Variants in NHSL1 observed in about 807,000 individuals in gnomAD.
The protein encoded by NHSL1 is NHS like 1, also known as NHS-like protein 1.
NHSL1 carries 48 observed loss-of-function variants against 95.0 expected under a neutral mutation model. The observed-to-expected ratio is 0.51, with a 90% CI of 0.40 to 0.64. The LOEUF is 0.64. Among genes scored for constraint, NHSL1 ranks in the 30% least tolerant of loss-of-function variants. The pLI is 0.00. For synonymous variants in NHSL1, 783 were observed against 833.9 expected (o/e 0.94, Z 1.05); for missense variants, 1,971 against 2,077.7 (o/e 0.95, Z 1.00).
chr6:138,467,034 C>CA (rs1778425555), intron 3 of NHSL1, among the ~76,000 whole-genome samples: 2 of 151,870 alleles, frequency 1.3e-5, no homozygotes, highest in African/African-American at 2.4e-5. Flanking sequence ...TCAAAACCAA[C>CA]AAAAAAACAA....
At chr6:138,689,946 C>A (rs1785639757) in intron 1 of NHSL1, among the ~76,000 whole-genome samples, 1 of 152,198 alleles carries the variant, frequency 6.6e-6, no homozygotes, top group Admixed American at 6.5e-5. Context: ...CTGTGCCTGG[C>A]TCCACACTCT....
chr6:138,424,263 C>A lies in NHSL1; in HGVS notation c.4639G>T (p.Ala1547Ser), dbSNP rs780210569. The change falls in exon 8 of 8, where the codon GCG becomes TCG. Residue 1547 changes from alanine (A) to serine (S), a missense_variant. Transcript: ENST00000343505. The surrounding 1 kb of genome is among the most constrained non-coding windows in gnomAD (Gnocchi z 5.9). ...AGTCCGTCCAGGGAACATCCCTCCG[C>A]AGCGCCCAGAGCCCCGCGGGCTATG... ...DSIARGALGAAEGCSLDGLAR... is the reference protein window; with the variant it reads ...DSIARGALGASEGCSLDGLAR... 79 of 1,501,216 alleles carry A rather than the reference C, an allele frequency of 5.3e-5. No individual in the cohort carries two copies. The highest frequency in any genetic ancestry group is 2.7e-4 in the Admixed American group (12 of 44,112). The allele number at this position is 1,501,216 out of a possible 1,614,324, so 93.0% of individuals were successfully genotyped here. A position where few individuals can be genotyped will look rare whatever the true frequency, so the allele number is the denominator to read the frequency against.
intron 1 of NHSL1, among the ~76,000 whole-genome samples, chr6:138,556,428 C>T (rs1783198542): frequency 6.6e-6 from 1 of 151,980 alleles, no homozygotes; most frequent in Admixed American, 6.6e-5. Context: ...AGAAAAATAA[C>T]TATTTTTCTT....
intron 1 of NHSL1, among the ~76,000 whole-genome samples, chr6:138,543,347 G>T (rs1431404317): frequency 2.0e-5 from 3 of 152,164 alleles, no homozygotes; most frequent in Admixed American, 2.0e-4. Context: ...AGCAAAGAGT[G>T]ATTGTAACTA....
At chr6:138,662,941 C>T (rs1785244671) in intron 1 of NHSL1, among the ~76,000 whole-genome samples, 1 of 150,366 alleles carries the variant, frequency 6.7e-6, no homozygotes, top group African/African-American at 2.4e-5. Flanking sequence ...AGCAAAAACC[C>T]CCTTTAAAAA....
At chr6:138,471,904 C>T (rs1380808891) in intron 3 of NHSL1, among the ~76,000 whole-genome samples, 3 of 152,086 alleles carry the variant, frequency 2.0e-5, no homozygotes, top group Non-Finnish European at 2.9e-5. Context: ...GTAGACCAGG[C>T]GCGGTGACTC....
At chr6:138,542,436 A>C (rs528001417) in intron 1 of NHSL1, among the ~76,000 whole-genome samples, 1 of 152,234 alleles carries the variant, frequency 6.6e-6, no homozygotes. Context: ...TGCCAGTAGG[A>C]CAATACTTCA....
At chr6:138,575,348 C>G (rs920568567), upstream of NHSL1, among the ~76,000 whole-genome samples, 2 of 152,150 alleles carry the variant, frequency 1.3e-5, no homozygotes, top group Non-Finnish European at 2.9e-5. Context: ...CTGTACACTT[C>G]AAGGAAAGGG....
chr6:138,559,427 G>C (rs1044910894), intron 1 of NHSL1, among the ~76,000 whole-genome samples: 44 of 152,200 alleles, frequency 2.9e-4, no homozygotes, highest in Non-Finnish European at 7.3e-5. Context: ...CACCAACGGG[G>C]TCCTGGACTA....
At chr6:138,572,897 C>T (rs575047711), upstream of NHSL1, among the ~76,000 whole-genome samples, 9 of 118,968 alleles carry the variant, frequency 7.6e-5, 1 homozygote, top group African/African-American at 2.9e-4. Context: ...ATACATCCAA[C>T]ATTCCTAGAT....
chr6:138,675,212 C>T (rs988739242), intron 1 of NHSL1, among the ~76,000 whole-genome samples: 38 of 152,152 alleles, frequency 2.5e-4, no homozygotes, highest in African/African-American at 8.7e-4. Flanking sequence ...TTGGTGCTCT[C>T]ATCTACAATG....
intron 1 of NHSL1, among the ~76,000 whole-genome samples, chr6:138,526,093 CAA>C (rs10681744): frequency 2.9e-4 from 32 of 109,770 alleles, no homozygotes; most frequent in Non-Finnish European, 3.1e-4. Flanking sequence ...ACTCTGTCTC[CAA>C]AAAAAAAAAA....
intron 4 of NHSL1, among the ~76,000 whole-genome samples, chr6:138,442,951 G>A (rs902295951): frequency 1.3e-5 from 2 of 151,806 alleles, no homozygotes; most frequent in East Asian, 1.9e-4. Flanking sequence ...TAAATTACCT[G>A]CCAGTTTAAA....
upstream of NHSL1, chr6:138,545,761 C>T (rs747227811): frequency 6.3e-5 from 76 of 1,210,892 alleles, no homozygotes; most frequent in African/African-American, 1.3e-4. Context: ...GGCCAGCCAG[C>T]GCCTGTTACT....
At chr6:138,525,343 T>C (rs374839587) in intron 1 of NHSL1, among the ~76,000 whole-genome samples, 3 of 151,622 alleles carry the variant, frequency 2.0e-5, no homozygotes, top group South Asian at 2.1e-4. Context: ...CTGTGCAACA[T>C]AGCAACTCTC....
chr6:138,585,149 T>C (rs538115738), intron 1 of NHSL1, among the ~76,000 whole-genome samples: 1 of 152,212 alleles, frequency 6.6e-6, no homozygotes, highest in Non-Finnish European at 1.5e-5. Flanking sequence ...GAAATAGATG[T>C]GGCTGGTGGA....
At chr6:138,566,762 C>A (rs996386977) in intron 1 of NHSL1, among the ~76,000 whole-genome samples, 5 of 151,064 alleles carry the variant, frequency 3.3e-5, no homozygotes, top group Non-Finnish European at 7.4e-5. Flanking sequence ...CAACAGAGTC[C>A]CAACTTCAGA....
chr6:138,548,917 G>A (rs1217465159), upstream of NHSL1, among the ~76,000 whole-genome samples: 1 of 150,550 alleles, frequency 6.6e-6, no homozygotes, highest in Non-Finnish European at 1.5e-5. Flanking sequence ...TAAAGTTAAA[G>A]CATATATAAT....
intron 1 of NHSL1, among the ~76,000 whole-genome samples, chr6:138,540,582 G>C (rs1442665417): frequency 9.2e-5 from 14 of 152,158 alleles, no homozygotes; most frequent in African/African-American, 2.9e-4. Context: ...ACATACAAAA[G>C]ACAACTGGAA....
Sources: gnomAD v4.1 joint callset for allele counts (sites outside exome capture counted in the v4.1 genomes callset) on GRCh38, gnomAD v4.1.1 for gene constraint, Gnocchi (gnomAD v3.1) non-coding constraint, MANE v1.5 for transcripts, NCBI Gene and HGNC (gene_info 2026-07-23, HGNC 2026-07-21) for gene names.